STXBP5L: variants seen among roughly 807,000 people sequenced by gnomAD.
The protein encoded by STXBP5L is syntaxin-binding protein 5-like.
STXBP5L carries 65 observed loss-of-function variants against 144.5 expected under a neutral mutation model. That is an observed-to-expected ratio of 0.45 (90% CI 0.37 to 0.55). The LOEUF (loss-of-function observed/expected upper bound fraction) is 0.55. STXBP5L is among the 20% of genes least tolerant of loss of function. The pLI is 0.00. For synonymous variants in STXBP5L, 505 were observed against 469.6 expected (o/e 1.08, Z -0.97); for missense variants, 1,298 against 1,405.5 (o/e 0.92, Z 1.22).
chr3:121,145,206 T>A (rs543733917), intron 7 of STXBP5L, among the ~76,000 whole-genome samples: 1 of 151,956 alleles, frequency 6.6e-6, no homozygotes, highest in Admixed American at 6.6e-5. Context: ...TGGAAAAATC[T>A]TAAATAAAAT....
At chr3:121,375,558 G>C (rs1421324189) in intron 20 of STXBP5L, among the ~76,000 whole-genome samples, 2 of 152,058 alleles carry the variant, frequency 1.3e-5, no homozygotes, top group African/African-American at 4.8e-5. Context: ...ATCAGGATAA[G>C]AGAAAAAAAC....
At chr3:121,047,235 T>A (rs1055325076) in intron 5 of STXBP5L, among the ~76,000 whole-genome samples, 6 of 152,124 alleles carry the variant, frequency 3.9e-5, no homozygotes, top group Non-Finnish European at 2.9e-5. Context: ...ATGGTTTCAT[T>A]TTTTTTAGAT....
At chr3:121,351,893 T>C (rs2045297731) in intron 20 of STXBP5L, among the ~76,000 whole-genome samples, 2 of 152,132 alleles carry the variant, frequency 1.3e-5, no homozygotes, top group South Asian at 4.1e-4. Flanking sequence ...GTTTCAGCTT[T>C]TTACAGATGG....
chr3:121,384,375 A>G (rs1233060119), intron 22 of STXBP5L, among the ~76,000 whole-genome samples: 1 of 152,064 alleles, frequency 6.6e-6, no homozygotes, highest in Non-Finnish European at 1.5e-5. Flanking sequence ...TTTAAGAGTA[A>G]TTCAGAGGCT....
In STXBP5L at chr3:121,355,578, C is replaced by A. The variant is rs183908194; in HGVS notation, c.2177-23138C>A. ...TCTCTATTCTGTTTATTCTATTTAG[C>A]ATTTCTTCTAACCTTTTTTCAAGGT... On this transcript the variant is annotated intron_variant, in intron 20 of 26. Transcript: ENST00000471454. 1.5e-3 allele frequency among the ~76,000 whole-genome samples: 229 copies of A among 152,248 alleles called. 1 individual carries two copies. Among genetic ancestry groups the A allele is most frequent in the Middle Eastern group, 6.8e-3 (2 of 294 alleles).
At chr3:121,114,736 T>TA (rs1190828623) in intron 5 of STXBP5L, among the ~76,000 whole-genome samples, 189 bp from the exon 6 acceptor site, 2 of 152,150 alleles carry the variant, frequency 1.3e-5, no homozygotes, top group African/African-American at 4.8e-5. Context: ...TAGTGCTTAT[T>TA]AACATTATTG....
At chr3:121,115,843 G>T (rs879602906) in intron 6 of STXBP5L, among the ~76,000 whole-genome samples, 3 of 152,022 alleles carry the variant, frequency 2.0e-5, no homozygotes, top group African/African-American at 7.2e-5. Flanking sequence ...GGAGGAGTTA[G>T]GGGGAGGTGC....
intron 5 of STXBP5L, among the ~76,000 whole-genome samples, chr3:121,084,485 G>T (rs1160958209): frequency 1.3e-5 from 2 of 152,098 alleles, no homozygotes; most frequent in Non-Finnish European, 2.9e-5. Flanking sequence ...GTGATACATG[G>T]CTGATGATAA....
intron 3 of STXBP5L, among the ~76,000 whole-genome samples, chr3:121,024,239 A>G (rs924009942): frequency 2.0e-5 from 3 of 152,258 alleles, no homozygotes; most frequent in Middle Eastern, 3.4e-3. Flanking sequence ...AAACAACCTA[A>G]TTTAAACATT....
chr3:120,974,991 T>C (rs1268823525), intron 3 of STXBP5L, among the ~76,000 whole-genome samples: 1 of 152,182 alleles, frequency 6.6e-6, no homozygotes, highest in East Asian at 1.9e-4. Flanking sequence ...CCTCCAGCTT[T>C]GTTCTTTTGG....
intron 5 of STXBP5L, among the ~76,000 whole-genome samples, chr3:121,069,133 T>A (rs2041689687): frequency 6.6e-6 from 1 of 152,168 alleles, no homozygotes; most frequent in Non-Finnish European, 1.5e-5. Flanking sequence ...TGCTACCCAT[T>A]TATAGTCACT....
At chr3:121,104,493 A>C (rs912223069) in intron 5 of STXBP5L, among the ~76,000 whole-genome samples, 9 of 152,226 alleles carry the variant, frequency 5.9e-5, no homozygotes, top group Admixed American at 4.6e-4. Context: ...CCCGACTTCA[A>C]ACTATACTAC....
chr3:121,256,464 T>C (rs1020073729), intron 16 of STXBP5L, among the ~76,000 whole-genome samples: 5 of 152,044 alleles, frequency 3.3e-5, no homozygotes, highest in Admixed American at 2.6e-4. Flanking sequence ...TTTAAAACTT[T>C]TTTAGTTTAA....
chr3:121,406,800 A>G (rs1227352835), intron 22 of STXBP5L, among the ~76,000 whole-genome samples: 1 of 151,982 alleles, frequency 6.6e-6, no homozygotes, highest in Non-Finnish European at 1.5e-5. Context: ...TTGTGTGATT[A>G]TTTTTCAGTT....
chr3:121,160,496 A>G (rs2046283166), intron 9 of STXBP5L, among the ~76,000 whole-genome samples: 1 of 152,226 alleles, frequency 6.6e-6, no homozygotes, highest in African/African-American at 2.4e-5. Flanking sequence ...GCATATAAGT[A>G]ATCTAGAGAT....
chr3:120,938,676 T>C (rs994848937), intron 2 of STXBP5L, among the ~76,000 whole-genome samples: 1 of 152,200 alleles, frequency 6.6e-6, no homozygotes, highest in African/African-American at 2.4e-5. Flanking sequence ...CATCTCGAGA[T>C]GGGATCAAAC....
intron 9 of STXBP5L, among the ~76,000 whole-genome samples, chr3:121,166,525 T>C (rs1187365421): frequency 6.6e-6 from 1 of 152,240 alleles, no homozygotes; most frequent in Non-Finnish European, 1.5e-5. Context: ...GCAAATCTAA[T>C]AATCTTTTGG....
At position 121,111,513 on chromosome 3, in the gene STXBP5L, A is replaced by C. The variant is rs897720772; in HGVS notation, c.471-3412A>C. Among the ~76,000 whole-genome samples, 17 of 152,320 alleles carry C rather than the reference A, an allele frequency of 1.1e-4. 1 individual carries two copies. Among genetic ancestry groups the C allele is most frequent in the Admixed American group, 7.8e-4 (12 of 15,298 alleles). The stretch of plus-strand genomic sequence containing the variant: ...TTCTGGTTTGTTGGGGGTCCACTCC[A>C]GACCCTATTTGCCTGGGTCCCTCCC... On this transcript the variant is annotated intron_variant, in intron 5 of 26. Coordinates refer to ENST00000471454, the MANE Select transcript of STXBP5L (RefSeq NM_001308330.2).
At chr3:121,389,782 T>C (rs559327045) in intron 22 of STXBP5L, among the ~76,000 whole-genome samples, 31 of 152,364 alleles carry the variant, frequency 2.0e-4, no homozygotes, top group Middle Eastern at 3.4e-3. Context: ...CTTTTACATT[T>C]ACTGAGGAGT....
Sources: allele counts gnomAD v4.1 joint callset (sites outside exome capture counted in the v4.1 genomes callset), GRCh38; gene constraint gnomAD v4.1.1; transcripts MANE v1.5; gene names NCBI Gene and HGNC (gene_info 2026-07-23, HGNC 2026-07-21).